Variants in USF3 observed in about 807,000 individuals in gnomAD.
USF3 encodes basic helix-loop-helix domain-containing protein USF3.
Under a neutral mutation model 157.5 loss-of-function variants are expected in USF3, and 29 were observed. The observed-to-expected ratio is 0.18, with a 90% CI of 0.14 to 0.25. The LOEUF (loss-of-function observed/expected upper bound fraction) is 0.25, where lower values mean the gene tolerates loss of function less well. Ranked by LOEUF, USF3 falls within the 10% of genes least tolerant of loss-of-function variation. USF3 has a pLI of 1.00. For synonymous variants in USF3, 893 were observed against 941.4 expected (o/e 0.95, Z 0.94); for missense variants, 2,381 against 2,667.6 (o/e 0.89, Z 2.37).
intron 1 of USF3, among the ~76,000 whole-genome samples, chr3:113,693,701 C>T (rs1442870937): frequency 3.9e-5 from 6 of 152,104 alleles, no homozygotes; most frequent in Admixed American, 1.3e-4. Context: ...TGCCACATAC[C>T]GTAAGCCTAA....
rs763900726 is a variant in USF3 at position 113,660,454 on chromosome 3, T to C, written c.1228A>G (p.Ser410Gly). ...LSCSLPSSSV[S>G]TSDLKNINSL... ...TTAATGTTTTTCAAATCTGAAGTAC[T>C]AACACTTGAAGAAGGCAAAGAACAA... The change falls in exon 7 of 7, where the codon AGT becomes GGT. Residue 410 changes from serine (S) to glycine (G), a missense_variant. Physicochemically the swap from Ser to Gly is moderately conservative, Grantham distance 56 (BLOSUM62 0). Coordinates refer to ENST00000316407, the MANE Select transcript of USF3 (RefSeq NM_001009899.4). 5 of 1,614,214 alleles carry C rather than the reference T, an allele frequency of 3.1e-6. No individual in the cohort carries two copies. Among genetic ancestry groups the C allele is most frequent in the Admixed American group, 3.3e-5 (2 of 60,024 alleles).
At chr3:113,664,267 A>G in intron 6 of USF3, 46 bp downstream of exon 6, 2 of 1,275,846 alleles carry the variant, frequency 1.6e-6, no homozygotes, top group Admixed American at 2.2e-5. Context: ...ACAAACACCT[A>G]AACATTTTAA....
chr3:113,658,781 A>T lies in USF3; in HGVS notation c.2901T>A (p.Thr967=). The change falls in exon 7 of 7, where the codon ACT becomes ACA. Residue 967 remains threonine, a synonymous_variant. Transcript: ENST00000316407. ...CCTCAGAAACACAGTCAGTACTTGT[A>T]GTGCTTGTTGTAGATGACAAACCAG... ...QVPGLSSTTS[T]TSTDCVSEVE... The T allele has an allele frequency of 6.2e-7, 1 of 1,614,146 alleles. No individual in the cohort carries two copies. Among genetic ancestry groups the T allele is most frequent in the South Asian group, 1.1e-5 (1 of 91,082 alleles).
Position 113,650,109 on chromosome 3 carries a change from G to A in USF3, c.*4835C>T, listed in dbSNP as rs1947235524. 3 of 507,736 alleles carry A rather than the reference G, an allele frequency of 5.9e-6. No individual in the cohort carries two copies. In the South Asian group the frequency reaches 8.0e-5, roughly 14 times the overall value. 31.5% of individuals were successfully genotyped at this position (507,736 alleles called of 1,614,324 possible). On this transcript the variant is annotated 3_prime_UTR_variant, in exon 7 of 7. Coordinates refer to ENST00000316407, the MANE Select transcript of USF3 (RefSeq NM_001009899.4). Reference sequence around the variant, plus strand: ...CACAGGCGCACTACCTCCAGGCAAAGGTAGCATTTATATAGACAACAAAAT... The same window carrying A: ...CACAGGCGCACTACCTCCAGGCAAAAGTAGCATTTATATAGACAACAAAAT...
intron 1 of USF3, among the ~76,000 whole-genome samples, chr3:113,681,456 TCA>T (rs1707425484): frequency 6.6e-6 from 1 of 152,252 alleles, no homozygotes; most frequent in African/African-American, 2.4e-5. Flanking sequence ...TTCCCTGTAT[TCA>T]CATAGTTTCC....
In USF3 at chr3:113,686,751, C is replaced by A. The variant is rs1225890646; in HGVS notation, c.-134-9354G>T. Among the ~76,000 whole-genome samples, 4 of 152,188 alleles carry A rather than the reference C, an allele frequency of 2.6e-5. No homozygotes were observed. In the East Asian group the frequency reaches 7.7e-4, roughly 29 times the overall value. ...TCAACAATAATCACAGTAATTCTTA[C>A]TTTCCTATTTTCTTATTCTTTTTGT... is the stretch of plus-strand genomic sequence containing the variant. On this transcript the variant is annotated intron_variant, in intron 1 of 6. Coordinates refer to ENST00000316407, the MANE Select transcript of USF3 (RefSeq NM_001009899.4).
chr3:113,660,079 T>C lies in USF3; in HGVS notation c.1603A>G (p.Met535Val). Residue 535 changes from methionine to valine, a missense_variant, in exon 7 of 7, where the codon ATG (methionine) becomes GTG (valine). Met to Val is a conservative substitution (Grantham distance 21, BLOSUM62 1). Transcript: ENST00000316407. ...PLNSAMQVIQ[M>V]AQPVGSAVNS... The stretch of plus-strand genomic sequence containing the variant: ...ACAGCTGACCCAACTGGCTGAGCCA[T>C]CTGAATCACTTGCATTGCTGAATTC... 1 of 1,614,218 alleles carries C rather than the reference T, an allele frequency of 6.2e-7. No individual in the cohort carries two copies. The highest frequency in any genetic ancestry group is 8.5e-7 in the Non-Finnish European group (1 of 1,180,030).
Position 113,657,406 on chromosome 3 carries a change from C to T in USF3, c.4276G>A (p.Val1426Ile). ...TEVQCGSQPS[V>I]AEQQQTQASQ... ...GCCTGGGTTTGCTGCTGTTCAGCAA[C>T]TGAAGGCTGAGAACCACACTGAACT... Residue 1426 changes from valine to isoleucine, a missense_variant, in exon 7 of 7, where the codon GTT becomes ATT. Coordinates refer to ENST00000316407, the MANE Select transcript of USF3 (RefSeq NM_001009899.4). The T allele has an allele frequency of 6.2e-7, 1 of 1,614,156 alleles. No homozygotes were observed. Among genetic ancestry groups the T allele is most frequent in the Non-Finnish European group, 8.5e-7 (1 of 1,180,034 alleles).
chr3:113,674,622 C>T (rs1394757974), intron 3 of USF3, among the ~76,000 whole-genome samples: 1 of 152,198 alleles, frequency 6.6e-6, no homozygotes, highest in Non-Finnish European at 1.5e-5. Context: ...GGATTATAGG[C>T]GTGAGCCACC....
intron 1 of USF3, among the ~76,000 whole-genome samples, chr3:113,682,066 G>A (rs1707443866): frequency 6.6e-6 from 1 of 152,156 alleles, no homozygotes; most frequent in Admixed American, 6.5e-5. Context: ...GCTCACACCT[G>A]TAATCCCATC....
chr3:113,683,316 T>C lies in USF3; in HGVS notation c.-134-5919A>G, dbSNP rs371851260. Among the ~76,000 whole-genome samples the C allele has an allele frequency of 3.0e-4, 46 of 150,898 alleles. No individual in the cohort carries two copies. In the South Asian group the frequency reaches 9.3e-3, roughly 31 times the overall value. On this transcript the variant is annotated intron_variant, in intron 1 of 6. Coordinates refer to ENST00000316407, the MANE Select transcript of USF3 (RefSeq NM_001009899.4). ...AAACTATTATCTAGTTTTTAATCTA[T>C]AAAAACTATTATCTAGTTTTTAATC...
chr3:113,676,052 A>G (rs185392815), intron 2 of USF3, among the ~76,000 whole-genome samples: 142 of 152,336 alleles, frequency 9.3e-4, no homozygotes, highest in Non-Finnish European at 9.1e-4. Flanking sequence ...GGTCAAAATC[A>G]TTCAACAAGT....
At chr3:113,685,342 A>T (rs980386197) in intron 1 of USF3, among the ~76,000 whole-genome samples, 1 of 152,200 alleles carries the variant, frequency 6.6e-6, no homozygotes, top group Non-Finnish European at 1.5e-5. Context: ...GCCTGTGGCA[A>T]CTATCTCCTG....
chr3:113,692,710 T>C (rs1707711125), intron 1 of USF3, among the ~76,000 whole-genome samples: 1 of 152,190 alleles, frequency 6.6e-6, no homozygotes, highest in African/African-American at 2.4e-5. Flanking sequence ...GTGAACTGAA[T>C]TAAAAACACA....
At position 113,655,434 on chromosome 3, in the gene USF3, A is replaced by G; in HGVS notation, c.6248T>C (p.Phe2083Ser). The G allele has an allele frequency of 6.2e-7, 1 of 1,614,168 alleles. No homozygotes were observed. Among genetic ancestry groups the G allele is most frequent in the Non-Finnish European group, 8.5e-7 (1 of 1,180,020 alleles). The change falls in exon 7 of 7, where the codon TTC becomes TCC. Residue 2083 changes from phenylalanine (F) to serine (S), a missense_variant. Around this residue, in one of 6 missense-constraint regions of USF3, gnomAD observed 770 missense variants for 824.2 expected, o/e 0.93. Coordinates refer to ENST00000316407, the MANE Select transcript of USF3 (RefSeq NM_001009899.4). Reference sequence around the variant, plus strand: ...ACTAGGCTGAGTAACCTGTGGAATGAAAGAAGCATTAGCATTTATTGGTGG... The same window carrying G: ...ACTAGGCTGAGTAACCTGTGGAATGGAAGAAGCATTAGCATTTATTGGTGG... ...MNPPINANAS[F>S]IPQVTQPSAT...
intron 5 of USF3, among the ~76,000 whole-genome samples, chr3:113,666,568 CTTTTTTT>C (rs775533373): frequency 1.1e-3 from 115 of 109,116 alleles, no homozygotes; most frequent in Non-Finnish European, 1.5e-3. Flanking sequence ...TTATTGTTTC[CTTTTTTT>C]TTTTTTTTTT....
In USF3 at chr3:113,656,533, TATTATG is replaced by T; in HGVS notation, c.5143_5148del (p.His1715_Asn1716del). The stretch of plus-strand genomic sequence containing the variant: ...ACAGTATGGTCCACACGACCCTGCA[TATTATG>T]AATAGCCAAACTCTTATTTCTGGGA... On this transcript the variant is annotated inframe_deletion, in exon 7 of 7. Transcript: ENST00000316407. 3 of 1,614,238 alleles carry T rather than the reference TATTATG, an allele frequency of 1.9e-6. No homozygotes were observed. Among genetic ancestry groups the T allele is most frequent in the Non-Finnish European group, 2.5e-6 (3 of 1,180,040 alleles).
Position 113,673,259 on chromosome 3 carries a change from C to T in USF3, c.76+89G>A, listed in dbSNP as rs373351285. The T allele has an allele frequency of 8.2e-4, 702 of 857,896 alleles. 8 individuals carry two copies. In the South Asian group the frequency reaches 0.01, roughly 12 times the overall value. The allele number at this position is 857,896 out of a possible 1,614,324, so 53.1% of individuals were successfully genotyped here. A position where few individuals can be genotyped will look rare whatever the true frequency, so the allele number is the denominator to read the frequency against. On this transcript the variant is annotated intron_variant, in intron 4 of 6. Coordinates refer to ENST00000316407, the MANE Select transcript of USF3 (RefSeq NM_001009899.4). The stretch of plus-strand genomic sequence containing the variant: ...AAACATAATGAATAATGATTCCTTG[C>T]TTATAACATAAAAACTTATAATCAA...
At chr3:113,688,267 C>T (rs970856102) in intron 1 of USF3, among the ~76,000 whole-genome samples, 1 of 152,114 alleles carries the variant, frequency 6.6e-6, no homozygotes, top group African/African-American at 2.4e-5. Flanking sequence ...TACAGGCACT[C>T]GCCACCACAC....
Sources: allele counts gnomAD v4.1 joint callset (sites outside exome capture counted in the v4.1 genomes callset), GRCh38; gene constraint gnomAD v4.1.1; regional missense constraint gnomAD v4.1.1; transcripts MANE v1.5; gene names NCBI Gene and HGNC (gene_info 2026-07-23, HGNC 2026-07-21).